The following CFAP20DC variants were observed in gnomAD, a reference collection of about 807,000 sequenced individuals.
CFAP20DC encodes the protein protein CFAP20DC.
Under a neutral mutation model 101.7 loss-of-function variants are expected in CFAP20DC, and 84 were observed. The ratio of observed to expected loss-of-function variants is 0.83; its 90% CI spans 0.69 to 0.99. CFAP20DC has a LOEUF of 0.99. Ranked by LOEUF, CFAP20DC falls within the 50% of genes least tolerant of loss-of-function variation. The pLI is 0.00. For synonymous variants in CFAP20DC, 359 were observed against 351.2 expected (o/e 1.02, Z -0.25); for missense variants, 1,007 against 970.3 (o/e 1.04, Z -0.50).
At chr3:58,887,775 C>G (rs2081778597) in intron 6 of CFAP20DC, among the ~76,000 whole-genome samples, 1 of 152,178 alleles carries the variant, frequency 6.6e-6, no homozygotes, top group African/African-American at 2.4e-5. Context: ...TCACCACTTA[C>G]TGGATTATTC....
At chr3:58,749,854 A>G (rs1287710972) in intron 16 of CFAP20DC, among the ~76,000 whole-genome samples, 2 of 152,250 alleles carry the variant, frequency 1.3e-5, no homozygotes, top group Non-Finnish European at 2.9e-5. Context: ...GTTTTCTCAA[A>G]TAAGTTCTGA....
In CFAP20DC at chr3:58,742,195, G is replaced by A; in HGVS notation, c.*265C>T. 1.5e-5 allele frequency: 15 copies of A among 971,770 alleles called. No homozygotes were observed. Among genetic ancestry groups the A allele is most frequent in the Non-Finnish European group, 1.9e-5 (15 of 802,426 alleles). 60.2% of individuals were successfully genotyped at this position (971,770 alleles called of 1,614,324 possible). A position where few individuals can be genotyped will look rare whatever the true frequency, so the allele number is the denominator to read the frequency against. ...TTATCTGAAATAAACAAAATTATAT[G>A]TAGAATGAGAACAAACAAGAACCAA... On this transcript the variant is annotated 3_prime_UTR_variant, in exon 17 of 17. Coordinates refer to ENST00000482387, the MANE Select transcript of CFAP20DC (RefSeq NM_001394063.1).
intron 7 of CFAP20DC, among the ~76,000 whole-genome samples, chr3:58,881,258 G>C (rs564131872): frequency 3.3e-5 from 5 of 152,098 alleles, no homozygotes; most frequent in African/African-American, 1.2e-4. Flanking sequence ...GAGGGCACTT[G>C]GGAAAACTGC....
chr3:58,951,127 A>C (rs1170029566), intron 4 of CFAP20DC, among the ~76,000 whole-genome samples: 7 of 152,252 alleles, frequency 4.6e-5, no homozygotes, highest in Non-Finnish European at 4.4e-5. Context: ...AAAAGAAGAC[A>C]TTTATGCAGC....
intron 13 of CFAP20DC, among the ~76,000 whole-genome samples, chr3:58,845,343 C>A (rs1419850102): frequency 1.3e-5 from 2 of 152,002 alleles, no homozygotes; most frequent in Non-Finnish European, 2.9e-5. Context: ...CACCACCGAT[C>A]CCACAGAAAT....
intron 5 of CFAP20DC, among the ~76,000 whole-genome samples, chr3:58,932,722 C>G (rs1017851693): frequency 2.0e-5 from 3 of 152,166 alleles, no homozygotes; most frequent in Non-Finnish European, 4.4e-5. Flanking sequence ...CAAGCAAATG[C>G]TGAGACATTT....
intron 13 of CFAP20DC, among the ~76,000 whole-genome samples, chr3:58,838,117 C>G (rs375379811): frequency 1.3e-5 from 2 of 152,138 alleles, no homozygotes; most frequent in African/African-American, 4.8e-5. Context: ...CATATTTGTG[C>G]GCATAGCTCA....
chr3:58,880,003 T>C (rs901051200), intron 7 of CFAP20DC, among the ~76,000 whole-genome samples: 2 of 151,890 alleles, frequency 1.3e-5, no homozygotes, highest in Non-Finnish European at 2.9e-5. Context: ...CAGAAAAATA[T>C]ATTTTAATTT....
At chr3:58,907,824 C>T (rs1201554533) in intron 6 of CFAP20DC, among the ~76,000 whole-genome samples, 2 of 152,112 alleles carry the variant, frequency 1.3e-5, no homozygotes, top group South Asian at 2.1e-4. Flanking sequence ...GCGTACAAGG[C>T]GAAGTACTGG....
chr3:58,923,493 A>T (rs2085614947), intron 5 of CFAP20DC, among the ~76,000 whole-genome samples: 1 of 152,196 alleles, frequency 6.6e-6, no homozygotes, highest in Admixed American at 6.5e-5. Context: ...CACTGGCTAA[A>T]GAATTCTAGA....
chr3:59,014,988 T>G lies in CFAP20DC; in HGVS notation c.278+24569A>C, dbSNP rs2108908506. 6.6e-6 allele frequency among the ~76,000 whole-genome samples: 1 copy of G among 152,204 alleles called. No homozygotes were observed. Among genetic ancestry groups the G allele is most frequent in the Non-Finnish European group, 1.5e-5 (1 of 67,996 alleles). ...AGCATCAGGACCCTCAATACTCCAT[T>G]ACCACCCCAGAGACAAGTGTTAAAC... On this transcript the variant is annotated intron_variant, in intron 4 of 16. Transcript: ENST00000482387. The surrounding 1 kb of genome is among the most constrained non-coding windows in gnomAD (Gnocchi z 4.9).
chr3:58,924,511 AT>A (rs2085735959), intron 5 of CFAP20DC, among the ~76,000 whole-genome samples: 1 of 152,072 alleles, frequency 6.6e-6, no homozygotes, highest in Admixed American at 6.6e-5. Flanking sequence ...TGTCTTTGCT[AT>A]TGTGAATAGT....
In CFAP20DC at chr3:59,006,575, C is replaced by A. The variant is rs1337054553; in HGVS notation, c.278+32982G>T. On this transcript the variant is annotated intron_variant, in intron 4 of 16. Transcript: ENST00000482387. The surrounding 1 kb of genome is among the most constrained non-coding windows in gnomAD (Gnocchi z 4.3). ...TCCAGATCACGGGAGAAGGACTTAACCTTACCTACAGCTAAAACAGATTTG... is the reference window on the plus strand; with the variant it reads ...TCCAGATCACGGGAGAAGGACTTAAACTTACCTACAGCTAAAACAGATTTG... Among the ~76,000 whole-genome samples the A allele has an allele frequency of 2.6e-5, 4 of 152,186 alleles. No homozygotes were observed. Among genetic ancestry groups the A allele is most frequent in the Admixed American group, 2.0e-4 (3 of 15,276 alleles).
intron 14 of CFAP20DC, 33 bp from the exon 15 acceptor site, chr3:58,806,489 T>C: frequency 6.6e-7 from 1 of 1,512,610 alleles, no homozygotes; most frequent in Non-Finnish European, 9.2e-7. Flanking sequence ...GAATGTTTAA[T>C]CAGCACAAAG....
At chr3:58,822,526 A>T (rs2075750315) in intron 14 of CFAP20DC, among the ~76,000 whole-genome samples, 1 of 151,714 alleles carries the variant, frequency 6.6e-6, no homozygotes, top group Non-Finnish European at 1.5e-5. Flanking sequence ...AGCATGGCAC[A>T]TGTATACATA....
intron 5 of CFAP20DC, among the ~76,000 whole-genome samples, chr3:58,935,163 C>T (rs2087357541): frequency 6.6e-6 from 1 of 152,152 alleles, no homozygotes; most frequent in East Asian, 1.9e-4. Context: ...TGAGTGAACT[C>T]CCATTCACAA....
At chr3:58,807,885 G>C (rs560162101) in intron 14 of CFAP20DC, among the ~76,000 whole-genome samples, 4 of 152,344 alleles carry the variant, frequency 2.6e-5, no homozygotes, top group Non-Finnish European at 5.9e-5. Context: ...TGATGGAGCT[G>C]AAAGCCAAGG....
chr3:58,830,446 A>C (rs2076319572), intron 14 of CFAP20DC, among the ~76,000 whole-genome samples: 1 of 152,188 alleles, frequency 6.6e-6, no homozygotes, highest in African/African-American at 2.4e-5. Flanking sequence ...TGCTTACCAC[A>C]CAGAGTAGCC....
chr3:58,717,790 G>C lies in CFAP20DC; in HGVS notation c.198-162C>G, dbSNP rs1043797252. ...ACTTATTAGCTAGAACTGGTGACTT[G>C]ATCATCTCCAGCTGGATGAGACTCT... On this transcript the variant is annotated intron_variant, in intron 3 of 3. Coordinates refer to the CFAP20DC transcript ENST00000486145. This position sits in a 1 kb window ranked among gnomAD's most constrained non-coding sequence, Gnocchi z 4.1. 1.3e-5 allele frequency among the ~76,000 whole-genome samples: 2 copies of C among 152,148 alleles called. No individual in the cohort carries two copies. The highest frequency in any genetic ancestry group is 4.8e-5 in the African/African-American group (2 of 41,426).
Sources: allele counts gnomAD v4.1 joint callset (sites outside exome capture counted in the v4.1 genomes callset), GRCh38; gene constraint gnomAD v4.1.1; non-coding constraint Gnocchi (gnomAD v3.1); transcripts MANE v1.5; gene names NCBI Gene and HGNC (gene_info 2026-07-23, HGNC 2026-07-21).